The following CENPF variants were observed in gnomAD, a reference collection of about 807,000 sequenced individuals.
CENPF encodes AH antigen.
A neutral mutation model predicts 307.3 loss-of-function variants in CENPF; 214 were observed. The ratio of observed to expected loss-of-function variants is 0.70; its 90% CI spans 0.62 to 0.78. The LOEUF (loss-of-function observed/expected upper bound fraction) is 0.78. CENPF is among the 30% of genes least tolerant of loss of function. The pLI, the probability that CENPF is intolerant of heterozygous loss-of-function variation, is 0.00. For missense variants in CENPF, 3,401 were observed against 3,483.9 expected, an observed-to-expected ratio of 0.98 and a Z score of 0.60; for synonymous variants, 1,259 against 1,270.6, an observed-to-expected ratio of 0.99 and a Z score of 0.19.
chr1:214,636,531 A>G (rs1376467627), intron 10 of CENPF, among the ~76,000 whole-genome samples: 1 of 152,206 alleles, frequency 6.6e-6, no homozygotes, highest in Non-Finnish European at 1.5e-5. Flanking sequence ...ATGAACGCAT[A>G]TACATGAACG....
intron 7 of CENPF, 102 bp downstream of exon 7, chr1:214,622,383 C>T (rs1402454146): frequency 1.0e-6 from 1 of 987,532 alleles, no homozygotes; most frequent in Non-Finnish European, 1.5e-6. Context: ...CAGTAATGTT[C>T]TTTGTTAATA....
Position 214,629,052 on chromosome 1 carries a change from G to T in CENPF, c.1075G>T (p.Ala359Ser). The change falls in exon 8 of 20, where the codon GCA becomes TCA. Residue 359 changes from alanine (A) to serine (S), a missense_variant. Physicochemically the swap from Ala to Ser is moderately conservative, Grantham distance 99. Transcript: ENST00000366955. ...QYDQASTKYT[A>S]LEQKLKKLTE... is the part of the protein sequence containing the mutation. ...CATTTTTATTCATTATTAGTATACT[G>T]CATTGGAACAAAAACTGAAAAAATT... The T allele has an allele frequency of 1.2e-6, 2 of 1,604,804 alleles. No homozygotes were observed. Among genetic ancestry groups the T allele is most frequent in the South Asian group, 2.2e-5 (2 of 89,626 alleles).
At chr1:214,648,578 G>A in intron 13 of CENPF, 97 bp from the exon 14 acceptor site, 1 of 1,367,280 alleles carries the variant, frequency 7.3e-7, no homozygotes, top group South Asian at 1.2e-5. Flanking sequence ...TATGATTGAA[G>A]GCTAAAATAA....
chr1:214,618,661 A>G lies in CENPF; in HGVS notation c.448A>G (p.Thr150Ala), dbSNP rs751976706. 8 of 1,614,090 alleles carry G rather than the reference A, an allele frequency of 5.0e-6. No homozygotes were observed. Among genetic ancestry groups the G allele is most frequent in the Non-Finnish European group, 5.9e-6 (7 of 1,179,956 alleles). ...NPCNTPQKIF[T>A]TPLTPSQYYS... ...ATGCAATACACCACAAAAAATTTTT[A>G]CAACTCCACTAACACCAAGTCAATA... Residue 150 changes from threonine to alanine, a missense_variant, in exon 4 of 20, where the codon ACA (threonine) becomes GCA (alanine). Coordinates refer to ENST00000366955, the MANE Select transcript of CENPF (RefSeq NM_016343.4).
chr1:214,618,918 A>G (rs1217036043), intron 4 of CENPF, among the ~76,000 whole-genome samples: 1 of 152,214 alleles, frequency 6.6e-6, no homozygotes, highest in African/African-American at 2.4e-5. Context: ...ATATTTTCAA[A>G]GAAATTCAAT....
rs777819425 is a variant in CENPF at position 214,653,020 on chromosome 1, C to A, written c.8322+31C>A. ...TTCACTTTAATTTGCTTCATGATTT[C>A]GAATGGTTTATACAGGTGGTAGTGA... is the stretch of plus-strand genomic sequence containing the variant. On this transcript the variant is annotated intron_variant, in intron 16 of 19. Transcript: ENST00000366955. 3.2e-6 allele frequency: 5 copies of A among 1,569,920 alleles called. No homozygotes were observed. The African/African-American group carries it at 6.8e-5, about 21-fold the overall frequency.
At chr1:214,616,878 TTTCTTTCTTTCTTTCTTTC>T (rs1657362762) in intron 3 of CENPF, among the ~76,000 whole-genome samples, 2 of 111,452 alleles carry the variant, frequency 1.8e-5, no homozygotes, top group African/African-American at 3.7e-5. Context: ...TCTTTCTTTC[TTTCTTTCTTTCTTTCTTTC>T]TTTCTTTCTT....
intron 16 of CENPF, 74 bp downstream of exon 16, chr1:214,653,063 T>C: frequency 7.5e-7 from 1 of 1,341,764 alleles, no homozygotes; most frequent in Non-Finnish European, 1.1e-6. Context: ...GGTATAGCAT[T>C]AAACGTTTTC....
chr1:214,662,252 T>TAA (rs1165865286), intron 19 of CENPF, among the ~76,000 whole-genome samples: 1 of 142,258 alleles, frequency 7.0e-6, no homozygotes, highest in South Asian at 2.2e-4. Flanking sequence ...TATTTCTCTT[T>TAA]AAAAAAAAAA....
chr1:214,616,869 CTTTCTTTCTTTCTT>C (rs1558170877), intron 3 of CENPF, among the ~76,000 whole-genome samples: 1 of 83,968 alleles, frequency 1.2e-5, no homozygotes, highest in Non-Finnish European at 2.5e-5. Context: ...TTCTTTCTTT[CTTTCTTTCTTTCTT>C]TCTTTCTTTC....
At position 214,620,528 on chromosome 1, in the gene CENPF, T is replaced by G. The variant is rs990019850; in HGVS notation, c.574-127T>G. On this transcript the variant is annotated intron_variant, in intron 5 of 19. Transcript: ENST00000366955. ...CTTATGGTTTACTTGACTTGATGAA[T>G]GTTCTTTGTTGGTATGCAGTGCAAC... 1.5e-5 allele frequency: 14 copies of G among 907,646 alleles called. 1 individual carries two copies. The highest frequency in any genetic ancestry group is 2.3e-4 in the Middle Eastern group (1 of 4,438). 56.2% of individuals were successfully genotyped at this position (907,646 alleles called of 1,614,324 possible).
chr1:214,645,108 G>A lies in CENPF; in HGVS notation c.5538G>A (p.Leu1846=), dbSNP rs41277190. 104 of 1,612,686 alleles carry A rather than the reference G, an allele frequency of 6.4e-5. No homozygotes were observed. In the Admixed American group the frequency reaches 7.7e-4, roughly 12 times the overall value. ...AAAACTCAGATTTAAGTGAAAAATT[G>A]GAATATTTTTCTTGTGATCACCAGG... ...KKENSDLSEK[L]EYFSCDHQEL... The change falls in exon 13 of 20, where the codon TTG becomes TTA. Residue 1846 remains leucine, a synonymous_variant. Coordinates refer to ENST00000366955, the MANE Select transcript of CENPF (RefSeq NM_016343.4).
intron 1 of CENPF, 114 bp downstream of exon 1, chr1:214,603,435 G>A (rs936916983): frequency 2.6e-5 from 4 of 152,206 alleles, no homozygotes; most frequent in Admixed American, 6.6e-5. Context: ...GAGGCCTCTG[G>A]GATCACTCTC....
At chr1:214,652,068 ATTTTTTTT>A (rs35011701) in intron 15 of CENPF, among the ~76,000 whole-genome samples, 182 bp downstream of exon 15, 1 of 127,096 alleles carries the variant, frequency 7.9e-6, no homozygotes, top group Non-Finnish European at 1.7e-5. Flanking sequence ...TTATCAGTTG[ATTTTTTTT>A]TTTTTTTTTT....
At position 214,640,804 on chromosome 1, in the gene CENPF, G is replaced by T; in HGVS notation, c.2466G>T (p.Pro822=). ...GTCGTTTAGAAGCAGACCAAAGTCC[G>T]AAAAATTCTGCCATCCTACAAAATA... is the stretch of plus-strand genomic sequence containing the variant. The part of the protein sequence containing the change: ...SECRLEADQS[P]KNSAILQNRV... The change falls in exon 12 of 20, where the codon CCG becomes CCT. Residue 822 remains proline (P), a synonymous_variant. Transcript: ENST00000366955. The T allele has an allele frequency of 2.5e-6, 4 of 1,605,560 alleles. No homozygotes were observed. The highest frequency in any genetic ancestry group is 2.5e-6 in the Non-Finnish European group (3 of 1,177,088).
chr1:214,609,549 A>C (rs1228307717), intron 1 of CENPF, among the ~76,000 whole-genome samples: 3 of 152,070 alleles, frequency 2.0e-5, no homozygotes, highest in Non-Finnish European at 4.4e-5. Flanking sequence ...TATAGGACCT[A>C]TTTCACCTGA....
intron 8 of CENPF, 21 bp downstream of exon 8, chr1:214,629,192 A>G: frequency 6.4e-7 from 1 of 1,570,846 alleles, no homozygotes; most frequent in East Asian, 2.3e-5. Context: ...TGGATTCATG[A>G]GGTGTTTGTC....
In CENPF at chr1:214,629,158, A is replaced by C. The variant is rs1348298989; in HGVS notation, c.1181A>C (p.Lys394Thr). Residue 394 changes from lysine (K) to threonine (T), a missense_variant, in exon 8 of 20, where the codon AAG becomes ACG. Lys to Thr is a moderately conservative substitution (Grantham distance 78). Transcript: ENST00000366955. Reference protein sequence around the residue: ...SLEQKIKEKEKEFQEELSRQQ... With the variant: ...SLEQKIKEKETEFQEELSRQQ... Reference sequence around the variant, plus strand: ...GAACAGAAAATTAAGGAAAAAGAAAAGGAGTTTCAAGAGGTAAGGTAAATG... The same window carrying C: ...GAACAGAAAATTAAGGAAAAAGAAACGGAGTTTCAAGAGGTAAGGTAAATG... 1 of 1,607,602 alleles carries C rather than the reference A, an allele frequency of 6.2e-7. No individual in the cohort carries two copies. Among genetic ancestry groups the C allele is most frequent in the Non-Finnish European group, 8.5e-7 (1 of 1,178,286 alleles).
chr1:214,615,623 A>C (rs530845830), intron 3 of CENPF, among the ~76,000 whole-genome samples: 2 of 152,252 alleles, frequency 1.3e-5, no homozygotes, highest in Admixed American at 1.3e-4. Context: ...CCAATCTGCA[A>C]GGTTGTGTGA....
Sources: allele counts gnomAD v4.1 joint callset (sites outside exome capture counted in the v4.1 genomes callset), GRCh38; gene constraint gnomAD v4.1.1; transcripts MANE v1.5; gene names NCBI Gene and HGNC (gene_info 2026-07-23, HGNC 2026-07-21).